Variants in RYR3 observed in about 807,000 individuals in gnomAD.
RYR3 encodes brain ryanodine receptor-calcium release channel.
RYR3 carries 207 observed loss-of-function variants against 584.3 expected under a neutral mutation model. That is an observed-to-expected ratio of 0.35 (90% CI 0.32 to 0.40). The LOEUF (loss-of-function observed/expected upper bound fraction) is 0.40. Among genes scored for constraint, RYR3 ranks in the 10% least tolerant of loss-of-function variants. The probability of loss-of-function intolerance (pLI) is 1.00; values close to 1 mark genes in which losing one functional copy is unlikely to be tolerated. For missense variants in RYR3, 5,616 were observed against 6,089.2 expected, an observed-to-expected ratio of 0.92 and a Z score of 2.59; for synonymous variants, 2,416 against 2,248.5, an observed-to-expected ratio of 1.07 and a Z score of -2.11.
intron 103 of RYR3, chr15:33,864,742 C>G (rs1889867334): frequency 5.2e-6 from 1 of 192,202 alleles, no homozygotes; most frequent in Non-Finnish European, 1.1e-5. Context: ...TTCACTCATT[C>G]AATGGGAGAG....
chr15:33,824,806 A>G lies in RYR3; in HGVS notation c.11073-797A>G, dbSNP rs999529085. On this transcript the variant is annotated intron_variant, in intron 81 of 103. Transcript: ENST00000634891. Reference sequence around the variant, plus strand: ...TAAACTTTCCTAAGAGCTATGTTCTATGTTCTATGAAACCTTTCAGATTGG... The same window carrying G: ...TAAACTTTCCTAAGAGCTATGTTCTGTGTTCTATGAAACCTTTCAGATTGG... Among the ~76,000 whole-genome samples the G allele has an allele frequency of 8.5e-5, 13 of 152,326 alleles. No homozygotes were observed. In the East Asian group the frequency reaches 1.9e-3, roughly 23 times the overall value.
At chr15:33,736,378 T>C (rs2069462978) in intron 49 of RYR3, 53 bp downstream of exon 49, 3 of 1,234,046 alleles carry the variant, frequency 2.4e-6, no homozygotes, top group Non-Finnish European at 3.5e-6. Flanking sequence ...GAAACTTGCC[T>C]TGTAATATGT....
chr15:33,668,792 T>C (rs534126104), intron 36 of RYR3, among the ~76,000 whole-genome samples: 81 of 152,314 alleles, frequency 5.3e-4, no homozygotes, highest in African/African-American at 1.8e-3. Context: ...ATTTTGCTTC[T>C]GGGAGTTTAT....
chr15:33,508,642 T>A (rs2052690514), intron 3 of RYR3, among the ~76,000 whole-genome samples: 1 of 152,122 alleles, frequency 6.6e-6, no homozygotes, highest in Non-Finnish European at 1.5e-5. Context: ...AGAGCAAGTC[T>A]CCATCTCAAA....
intron 72 of RYR3, among the ~76,000 whole-genome samples, chr15:33,811,376 G>C (rs1289270739): frequency 6.6e-6 from 1 of 152,036 alleles, no homozygotes; most frequent in African/African-American, 2.4e-5. Flanking sequence ...GTGGTGGCGG[G>C]CGCCTGTAGT....
chr15:33,697,925 A>G lies in RYR3; in HGVS notation c.6178A>G (p.Met2060Val). Residue 2060 changes from methionine to valine, a missense_variant, in exon 40 of 104, where the codon ATG (methionine) becomes GTG (valine). By Grantham distance (21) the Met-to-Val change is conservative. This residue lies in a region of RYR3 where 1,280 missense variants were observed against 1,426.2 expected (regional missense o/e 0.90). Coordinates refer to ENST00000634891, the MANE Select transcript of RYR3 (RefSeq NM_001036.6). ...NKVFYQHPNL[M>V]RVLGMHETVM... The stretch of plus-strand genomic sequence containing the variant: ...GGTGTTTTACCAGCATCCCAACCTC[A>G]TGAGAGTCCTGGGCATGCACGAGAC... The G allele has an allele frequency of 1.9e-6, 3 of 1,612,738 alleles. No individual in the cohort carries two copies. The highest frequency in any genetic ancestry group is 1.7e-4 in the Middle Eastern group (1 of 6,058).
At chr15:33,530,392 C>T (rs890876286) in intron 3 of RYR3, among the ~76,000 whole-genome samples, 200 bp from the exon 4 acceptor site, 1 of 152,214 alleles carries the variant, frequency 6.6e-6, no homozygotes, top group Admixed American at 6.5e-5. Flanking sequence ...CCCACACACC[C>T]TCTCCCAAGG....
At chr15:33,761,288 C>T (rs1042101546) in intron 60 of RYR3, among the ~76,000 whole-genome samples, 4 of 151,920 alleles carry the variant, frequency 2.6e-5, no homozygotes, top group Non-Finnish European at 4.4e-5. Flanking sequence ...ACACGAAAAA[C>T]CCTTAAAAAA....
At chr15:33,343,498 C>T (rs537720907) in intron 1 of RYR3, among the ~76,000 whole-genome samples, 27 of 152,198 alleles carry the variant, frequency 1.8e-4, no homozygotes, top group African/African-American at 6.3e-4. Flanking sequence ...CTCCCATCCC[C>T]CGCAGTTTGA....
chr15:33,592,837 G>A (rs1231143404), intron 16 of RYR3, among the ~76,000 whole-genome samples: 32 of 152,182 alleles, frequency 2.1e-4, no homozygotes, highest in Non-Finnish European at 1.5e-5. Context: ...AGTTTATTTT[G>A]CCAAGGTTGA....
At chr15:33,727,559 C>T (rs751014496) in intron 46 of RYR3, among the ~76,000 whole-genome samples, 1 of 152,166 alleles carries the variant, frequency 6.6e-6, no homozygotes, top group East Asian at 1.9e-4. Context: ...AAAACACTAA[C>T]TAATATCCCA....
chr15:33,397,756 T>G (rs1047838990), intron 1 of RYR3, among the ~76,000 whole-genome samples: 1 of 152,206 alleles, frequency 6.6e-6, no homozygotes, highest in African/African-American at 2.4e-5. Context: ...TTGCCTGGCC[T>G]TAGGTCTTGT....
chr15:33,739,767 A>G, intron 50 of RYR3, 65 bp from the exon 51 acceptor site: 1 of 1,370,504 alleles, frequency 7.3e-7, no homozygotes, highest in South Asian at 1.3e-5. Context: ...CTGATTGGTG[A>G]TTGGTTCTGT....
chr15:33,772,985 T>C (rs1233645095), intron 63 of RYR3, among the ~76,000 whole-genome samples: 2 of 152,162 alleles, frequency 1.3e-5, no homozygotes, highest in Non-Finnish European at 2.9e-5. Flanking sequence ...GCCCTTCCCC[T>C]AGGAAACATG....
chr15:33,323,218 C>T (rs1034264936), intron 1 of RYR3, among the ~76,000 whole-genome samples: 12 of 152,072 alleles, frequency 7.9e-5, no homozygotes, highest in Middle Eastern at 6.8e-3. Flanking sequence ...TTCACGCCAT[C>T]CTCCTGCCTC....
At chr15:33,814,701 C>T (rs1265370128) in intron 74 of RYR3, among the ~76,000 whole-genome samples, 3 of 151,942 alleles carry the variant, frequency 2.0e-5, no homozygotes, top group African/African-American at 7.3e-5. Context: ...GAGATTGAGA[C>T]CAGCCTGGCC....
intron 103 of RYR3, among the ~76,000 whole-genome samples, 158 bp downstream of exon 103, chr15:33,864,347 C>G (rs1018233395): frequency 2.0e-5 from 3 of 151,942 alleles, no homozygotes. Context: ...AGCCAAAGTC[C>G]TCCTGTTTAT....
At chr15:33,745,842 G>A (rs919669429) in intron 52 of RYR3, among the ~76,000 whole-genome samples, 5 of 152,172 alleles carry the variant, frequency 3.3e-5, no homozygotes, top group African/African-American at 1.2e-4. Flanking sequence ...AGAAAGTGGA[G>A]AGGACAGCAA....
At chr15:33,363,390 C>T (rs1220697567) in intron 1 of RYR3, among the ~76,000 whole-genome samples, 1 of 152,178 alleles carries the variant, frequency 6.6e-6, no homozygotes, top group African/African-American at 2.4e-5. Flanking sequence ...TAAGAGCCTT[C>T]TCTTCTGTTT....
Sources: allele counts gnomAD v4.1 joint callset (sites outside exome capture counted in the v4.1 genomes callset), GRCh38; gene constraint gnomAD v4.1.1; regional missense constraint gnomAD v4.1.1; transcripts MANE v1.5; gene names NCBI Gene and HGNC (gene_info 2026-07-23, HGNC 2026-07-21).